The following MDGA2 variants were observed in gnomAD, a reference collection of about 807,000 sequenced individuals.
MDGA2 encodes MAM domain-containing glycosylphosphatidylinositol anchor protein 2.
In MDGA2, 40 loss-of-function variants were observed where a neutral mutation model predicts 117.8. That is an observed-to-expected ratio of 0.34 (90% CI 0.26 to 0.44). The LOEUF (loss-of-function observed/expected upper bound fraction) is 0.44. MDGA2 is among the 20% of genes least tolerant of loss of function. The probability of loss-of-function intolerance (pLI) is 1.00; values close to 1 mark genes in which losing one functional copy is unlikely to be tolerated. For synonymous variants in MDGA2, 452 were observed against 439.0 expected (o/e 1.03, Z -0.37); for missense variants, 1,123 against 1,250.6 (o/e 0.90, Z 1.54).
chr14:47,136,149 T>C (rs1212458296), intron 4 of MDGA2, among the ~76,000 whole-genome samples: 2 of 151,984 alleles, frequency 1.3e-5, no homozygotes, highest in African/African-American at 2.4e-5. Flanking sequence ...CTCTCCAGTC[T>C]TTTTGAATTT....
At chr14:47,040,932 GAGAA>G (rs374452885) in intron 7 of MDGA2, among the ~76,000 whole-genome samples, 3 of 152,056 alleles carry the variant, frequency 2.0e-5, no homozygotes, top group Non-Finnish European at 2.9e-5. Flanking sequence ...TGAAACAATT[GAGAA>G]AGAAAGAAAG....
At chr14:47,395,151 C>G (rs1891980517) in intron 1 of MDGA2, among the ~76,000 whole-genome samples, 1 of 151,964 alleles carries the variant, frequency 6.6e-6, no homozygotes, top group South Asian at 2.1e-4. Context: ...AGTGAAAAGC[C>G]AGCTCAAAAA....
chr14:47,366,149 G>A (rs533707540), intron 1 of MDGA2, among the ~76,000 whole-genome samples: 7 of 152,186 alleles, frequency 4.6e-5, no homozygotes, highest in African/African-American at 9.6e-5. Flanking sequence ...AAATTCAAGC[G>A]TTCTTTCACA....
chr14:47,181,226 C>G (rs767084763), intron 3 of MDGA2, among the ~76,000 whole-genome samples: 3 of 152,114 alleles, frequency 2.0e-5, no homozygotes, highest in Non-Finnish European at 2.9e-5. Flanking sequence ...ATTGCTCTCC[C>G]TCTCCTTGTC....
intron 1 of MDGA2, among the ~76,000 whole-genome samples, chr14:47,506,830 T>C (rs955243639): frequency 2.6e-5 from 4 of 152,064 alleles, no homozygotes; most frequent in African/African-American, 7.2e-5. Context: ...AAACAAAGGA[T>C]GGAACTGAGG....
chr14:47,300,990 T>C (rs998971786), intron 2 of MDGA2, among the ~76,000 whole-genome samples: 2 of 152,178 alleles, frequency 1.3e-5, no homozygotes, highest in Admixed American at 1.3e-4. Context: ...TGTGACCTCA[T>C]GCTTCACATT....
intron 1 of MDGA2, among the ~76,000 whole-genome samples, chr14:47,435,517 C>G (rs1017127309): frequency 4.6e-5 from 7 of 152,246 alleles, no homozygotes; most frequent in Middle Eastern, 3.4e-3. Context: ...GCAGTTTTCA[C>G]TAACAAAACC....
intron 6 of MDGA2, among the ~76,000 whole-genome samples, chr14:47,081,887 T>C (rs1168700476): frequency 6.6e-6 from 1 of 152,154 alleles, no homozygotes; most frequent in African/African-American, 2.4e-5. Flanking sequence ...ATTATGCTAC[T>C]GTTATCACCT....
intron 1 of MDGA2, among the ~76,000 whole-genome samples, chr14:47,324,155 G>A (rs998385529): frequency 2.6e-5 from 4 of 152,142 alleles, no homozygotes; most frequent in African/African-American, 9.7e-5. Flanking sequence ...TGAGGCAAGA[G>A]AATGGCGTGA....
intron 1 of MDGA2, among the ~76,000 whole-genome samples, chr14:47,657,036 C>T (rs2138282536): frequency 6.6e-6 from 1 of 152,214 alleles, no homozygotes; most frequent in African/African-American, 2.4e-5. Flanking sequence ...TTCAATTCAG[C>T]CAAAGTCCCA....
In MDGA2 at chr14:47,595,067, C is replaced by T. The variant is rs192882780; in HGVS notation, c.280+79450G>A. Among the ~76,000 whole-genome samples, 28 of 152,138 alleles carry T rather than the reference C, an allele frequency of 1.8e-4. No homozygotes were observed. In the East Asian group the frequency reaches 4.7e-3, roughly 25 times the overall value. ...TTCACAAATCCCAGACTGATATACA[C>T]GTGCTTATCTAGAACAAAGCCTGTA... On this transcript the variant is annotated intron_variant, in intron 1 of 16. Coordinates refer to ENST00000399232, the MANE Select transcript of MDGA2 (RefSeq NM_001113498.3).
intron 1 of MDGA2, among the ~76,000 whole-genome samples, chr14:47,657,955 T>A (rs1897774625): frequency 6.6e-6 from 1 of 152,062 alleles, no homozygotes; most frequent in Non-Finnish European, 1.5e-5. Flanking sequence ...GAGGAGACAG[T>A]GTAGTATCCT....
intron 1 of MDGA2, among the ~76,000 whole-genome samples, chr14:47,452,616 A>AG (rs1893264631): frequency 6.6e-6 from 1 of 151,636 alleles, no homozygotes; most frequent in South Asian, 2.1e-4. Flanking sequence ...TCATACTGCA[A>AG]CAGAAATGAC....
Position 47,201,335 on chromosome 14 carries a change from C to T in MDGA2, c.595+16686G>A, listed in dbSNP as rs771667781. 1.1e-4 allele frequency among the ~76,000 whole-genome samples: 17 copies of T among 152,264 alleles called. No homozygotes were observed. In the East Asian group the frequency reaches 2.1e-3, roughly 19 times the overall value. ...AAGGACAGTCACTTCCATTTCACTT[C>T]GGCAACACTCTCACAAAAGTATTAT... On this transcript the variant is annotated intron_variant, in intron 3 of 16. Transcript: ENST00000399232.
chr14:47,376,271 T>C (rs1170759236), intron 1 of MDGA2, among the ~76,000 whole-genome samples: 2 of 152,192 alleles, frequency 1.3e-5, no homozygotes, highest in Non-Finnish European at 2.9e-5. Flanking sequence ...CTGGAGCTCA[T>C]CTTCTGCAAA....
At chr14:47,350,677 C>A (rs1026975375) in intron 1 of MDGA2, among the ~76,000 whole-genome samples, 1 of 152,148 alleles carries the variant, frequency 6.6e-6, no homozygotes, top group African/African-American at 2.4e-5. Context: ...TAGAATTCCA[C>A]TGGGAGAATG....
intron 8 of MDGA2, among the ~76,000 whole-genome samples, chr14:47,022,187 G>A (rs983959483): frequency 3.3e-5 from 5 of 152,126 alleles, no homozygotes; most frequent in African/African-American, 1.2e-4. Flanking sequence ...ACAGGCTCAG[G>A]TAAGTCTTCC....
intron 9 of MDGA2, among the ~76,000 whole-genome samples, chr14:46,955,732 C>G (rs1042194050): frequency 6.9e-6 from 1 of 145,696 alleles, no homozygotes; most frequent in Admixed American, 7.0e-5. Flanking sequence ...CCGTACATTT[C>G]GGTGTATAGG....
intron 8 of MDGA2, among the ~76,000 whole-genome samples, chr14:46,967,630 C>G (rs565894170): frequency 2.6e-5 from 4 of 152,122 alleles, no homozygotes; most frequent in Non-Finnish European, 4.4e-5. Flanking sequence ...CCCACTGCAT[C>G]TTTTCTATTT....
Sources: gnomAD v4.1 joint callset for allele counts (sites outside exome capture counted in the v4.1 genomes callset) on GRCh38, gnomAD v4.1.1 for gene constraint, MANE v1.5 for transcripts, NCBI Gene and HGNC (gene_info 2026-07-23, HGNC 2026-07-21) for gene names.